The following NR3C2 variants were observed in gnomAD, a reference collection of about 807,000 sequenced individuals.
NR3C2 encodes the protein mineralocorticoid receptor.
Under a neutral mutation model 86.4 loss-of-function variants are expected in NR3C2, and 15 were observed. The ratio of observed to expected loss-of-function variants is 0.17; its 90% CI spans 0.12 to 0.27. The LOEUF (loss-of-function observed/expected upper bound fraction) is 0.27, where lower values mean the gene tolerates loss of function less well. Among genes scored for constraint, NR3C2 ranks in the 10% least tolerant of loss-of-function variants. The pLI, the probability that NR3C2 is intolerant of heterozygous loss-of-function variation, is 1.00. For missense variants in NR3C2, 960 were observed against 1,195.6 expected (o/e 0.80, Z 2.91); for synonymous variants, 458 against 450.5 (o/e 1.02, Z -0.21).
chr4:148,269,593 G>A (rs979152698), intron 2 of NR3C2, among the ~76,000 whole-genome samples: 5 of 151,806 alleles, frequency 3.3e-5, no homozygotes, highest in Non-Finnish European at 5.9e-5. Context: ...GCCAATCAGC[G>A]GTTGCTGATA....
intron 2 of NR3C2, among the ~76,000 whole-genome samples, chr4:148,410,304 G>A (rs541350531): frequency 1.3e-5 from 2 of 152,250 alleles, no homozygotes; most frequent in East Asian, 3.9e-4. Flanking sequence ...TGCTTTCAAT[G>A]AATGAAACAG....
intron 3 of NR3C2, among the ~76,000 whole-genome samples, chr4:148,198,384 C>A (rs1736539497): frequency 6.6e-6 from 1 of 152,082 alleles, no homozygotes; most frequent in Non-Finnish European, 1.5e-5. Flanking sequence ...CTGGTCCCAA[C>A]TGAGAAAATA....
intron 4 of NR3C2, among the ~76,000 whole-genome samples, chr4:148,170,869 A>G (rs1214283347): frequency 6.6e-6 from 1 of 152,232 alleles, no homozygotes; most frequent in Non-Finnish European, 1.5e-5. Flanking sequence ...TCCAAAGTTT[A>G]GTGTAATCAT....
intron 4 of NR3C2, among the ~76,000 whole-genome samples, chr4:148,167,403 C>A (rs2149780925): frequency 6.6e-6 from 1 of 152,322 alleles, no homozygotes; most frequent in African/African-American, 2.4e-5. Flanking sequence ...CTAACAAAAG[C>A]CTATATAATC....
chr4:148,202,778 T>TC, intron 3 of NR3C2, among the ~76,000 whole-genome samples: 1 of 152,014 alleles, frequency 6.6e-6, no homozygotes, highest in Non-Finnish European at 1.5e-5. Context: ...GCCCTAAGGT[T>TC]CCCCCCTCAT....
chr4:148,346,568 C>T (rs1745003260), intron 2 of NR3C2, among the ~76,000 whole-genome samples: 1 of 151,974 alleles, frequency 6.6e-6, no homozygotes, highest in African/African-American at 2.4e-5. Context: ...CATACAGGTT[C>T]CCACTGTGGT....
At chr4:148,415,786 A>G (rs570838239) in intron 2 of NR3C2, among the ~76,000 whole-genome samples, 6 of 152,250 alleles carry the variant, frequency 3.9e-5, no homozygotes, top group Non-Finnish European at 8.8e-5. Context: ...TACACTCTCA[A>G]ATAAAATCAT....
At chr4:148,130,705 T>C (rs1732978915) in intron 6 of NR3C2, among the ~76,000 whole-genome samples, 1 of 151,678 alleles carries the variant, frequency 6.6e-6, no homozygotes, top group South Asian at 2.1e-4. Flanking sequence ...TTTGTAGATA[T>C]AAACAAAACA....
chr4:148,203,293 C>G (rs1038898446), intron 3 of NR3C2, among the ~76,000 whole-genome samples: 6 of 151,774 alleles, frequency 4.0e-5, no homozygotes, highest in African/African-American at 1.5e-4. Context: ...ATAACCAGAC[C>G]TTATGTACAA....
intron 4 of NR3C2, among the ~76,000 whole-genome samples, chr4:148,186,514 AG>A (rs1005114401): frequency 6.6e-6 from 1 of 152,152 alleles, no homozygotes; most frequent in Non-Finnish European, 1.5e-5. Flanking sequence ...CAGCATCCTC[AG>A]GGGATTGGTT....
chr4:148,186,521 T>C (rs1164087077), intron 4 of NR3C2, among the ~76,000 whole-genome samples: 1 of 152,168 alleles, frequency 6.6e-6, no homozygotes, highest in Non-Finnish European at 1.5e-5. Context: ...CTCAGGGGAT[T>C]GGTTCCAGGA....
chr4:148,352,491 C>T (rs1279886438), intron 2 of NR3C2, among the ~76,000 whole-genome samples: 1 of 152,010 alleles, frequency 6.6e-6, no homozygotes, highest in African/African-American at 2.4e-5. Context: ...CCAGGGGTTG[C>T]AAACTCACCG....
chr4:148,128,098 G>A (rs369984392), intron 6 of NR3C2, among the ~76,000 whole-genome samples: 1 of 152,166 alleles, frequency 6.6e-6, no homozygotes, highest in South Asian at 2.1e-4. Context: ...ATTAAAATCC[G>A]AGTGTGAGTA....
intron 2 of NR3C2, among the ~76,000 whole-genome samples, chr4:148,403,988 T>C (rs750797616): frequency 5.3e-5 from 8 of 152,106 alleles, no homozygotes; most frequent in South Asian, 2.1e-4. Context: ...TTTTGATAGG[T>C]ATTATCCCCA....
intron 8 of NR3C2, among the ~76,000 whole-genome samples, chr4:148,104,986 A>T (rs1731727631): frequency 6.6e-6 from 1 of 152,190 alleles, no homozygotes; most frequent in Admixed American, 6.5e-5. Flanking sequence ...TAAAATATGA[A>T]GTGAGTGGGC....
rs188122981 is a variant in NR3C2, at chr4:148,094,607, C to T, written c.2800-13108G>A. 5.9e-5 allele frequency among the ~76,000 whole-genome samples: 9 copies of T among 151,634 alleles called. No individual in the cohort carries two copies. The East Asian group carries it at 1.8e-3, about 30-fold the overall frequency. The stretch of plus-strand genomic sequence containing the variant: ...ATGGATGCCTGTAATCCCAGTTACT[C>T]GGGAAGCTGAGGTAGGAGAATCGCT... On this transcript the variant is annotated intron_variant, in intron 8 of 8. Coordinates refer to ENST00000358102, the MANE Select transcript of NR3C2 (RefSeq NM_000901.5).
chr4:148,270,469 T>C (rs994632794), intron 2 of NR3C2, among the ~76,000 whole-genome samples: 3 of 152,218 alleles, frequency 2.0e-5, no homozygotes, highest in Non-Finnish European at 2.9e-5. Context: ...AATCTATAAA[T>C]ACTTCACAGT....
At chr4:148,144,650 T>A (rs1733780260) in intron 6 of NR3C2, among the ~76,000 whole-genome samples, 1 of 152,208 alleles carries the variant, frequency 6.6e-6, no homozygotes, top group Non-Finnish European at 1.5e-5. Context: ...TGTATATAAC[T>A]GAATGACCGT....
chr4:148,419,000 A>G (rs1749140577), intron 2 of NR3C2, among the ~76,000 whole-genome samples: 1 of 152,110 alleles, frequency 6.6e-6, no homozygotes, highest in Admixed American at 6.5e-5. Flanking sequence ...TTACCTGCCA[A>G]CATCTACACA....
Sources: allele counts gnomAD v4.1 joint callset (sites outside exome capture counted in the v4.1 genomes callset), GRCh38; gene constraint gnomAD v4.1.1; transcripts MANE v1.5; gene names NCBI Gene and HGNC (gene_info 2026-07-23, HGNC 2026-07-21).